The following NIPA1 variants were observed in gnomAD, a reference collection of about 807,000 sequenced individuals.
NIPA1 encodes the protein NIPA magnesium transporter 1.
A neutral mutation model predicts 23.9 loss-of-function variants in NIPA1; 13 were observed. The observed-to-expected ratio is 0.54, with a 90% CI of 0.35 to 0.87. The LOEUF (loss-of-function observed/expected upper bound fraction) is 0.87, where lower values mean the gene tolerates loss of function less well. Ranked by LOEUF, NIPA1 falls within the 40% of genes least tolerant of loss-of-function variation. NIPA1 has a pLI of 0.01. For synonymous variants in NIPA1, 234 were observed against 202.9 expected (o/e 1.15, Z -1.30); for missense variants, 362 against 429.7 (o/e 0.84, Z 1.39).
chr15:22,811,021 G>A (rs1895305608), intron 2 of NIPA1: 1 of 571,778 alleles, frequency 1.7e-6, no homozygotes, highest in Non-Finnish European at 3.1e-6. Context: ...AGAAGGACAA[G>A]TTAGGAGCTG....
chr15:22,812,577 TG>T (rs1555373366), intron 3 of NIPA1, among the ~76,000 whole-genome samples: 3 of 151,634 alleles, frequency 2.0e-5, no homozygotes, highest in South Asian at 2.1e-4. Context: ...TGCTTGAACC[TG>T]GGGGGCAGAG....
At chr15:22,799,429 C>A (rs889595511) in intron 1 of NIPA1, among the ~76,000 whole-genome samples, 1 of 151,962 alleles carries the variant, frequency 6.6e-6, no homozygotes, top group Admixed American at 6.6e-5. Context: ...CAGATCACTT[C>A]AGCCCAGGAG....
intron 1 of NIPA1, among the ~76,000 whole-genome samples, chr15:22,788,881 T>C (rs1401959007): frequency 1.6e-5 from 2 of 121,348 alleles, no homozygotes; most frequent in African/African-American, 6.4e-5. Context: ...ATTGTGCCAT[T>C]GCACTCCAGC....
chr15:22,819,172 G>A (rs1382432467), intron 3 of NIPA1: 1 of 152,202 alleles, frequency 6.6e-6, no homozygotes, highest in African/African-American at 2.4e-5. Flanking sequence ...GGGAAAAGTA[G>A]GCCGTTTAGG....
intron 1 of NIPA1, among the ~76,000 whole-genome samples, chr15:22,806,140 G>T (rs998071324): frequency 2.0e-5 from 3 of 152,164 alleles, no homozygotes; most frequent in East Asian, 3.9e-4. Flanking sequence ...AGCCAGGATG[G>T]TCTTGATCTC....
intron 1 of NIPA1, among the ~76,000 whole-genome samples, chr15:22,798,856 A>C (rs1031939412): frequency 2.6e-5 from 4 of 151,326 alleles, no homozygotes; most frequent in Non-Finnish European, 4.4e-5. Flanking sequence ...AAAAAAAAAA[A>C]AAAAAACCTC....
chr15:22,786,584 T>A, upstream of NIPA1: 4 of 432,096 alleles, frequency 9.3e-6, no homozygotes, highest in South Asian at 9.8e-5. Context: ...CGCCCGCGCC[T>A]CCCGGTCACC....
chr15:22,824,271 T>C lies in NIPA1; in HGVS notation c.*32T>C, dbSNP rs2140878137. 4 of 1,590,100 alleles carry C rather than the reference T, an allele frequency of 2.5e-6. No homozygotes were observed. Among genetic ancestry groups the C allele is most frequent in the Non-Finnish European group, 1.7e-6 (2 of 1,158,260 alleles). ...ATAGGAGCTTGGATGGTTCGAGGAA[T>C]AGGCATTGGAGGTGGTTTCTGGCCG... On this transcript the variant is annotated 3_prime_UTR_variant, in exon 5 of 5. Transcript: ENST00000337435. The surrounding 1 kb of genome is among the most constrained non-coding windows in gnomAD (Gnocchi z 4.1).
intron 4 of NIPA1, among the ~76,000 whole-genome samples, chr15:22,820,756 T>TG (rs1895521906): frequency 6.6e-6 from 1 of 152,030 alleles, no homozygotes; most frequent in Non-Finnish European, 1.5e-5. Flanking sequence ...CATGGGCGCC[T>TG]TCCCTTCCCA....
chr15:22,809,767 C>T (rs1186239284), intron 1 of NIPA1, among the ~76,000 whole-genome samples: 3 of 147,952 alleles, frequency 2.0e-5, no homozygotes, highest in East Asian at 2.0e-4. Flanking sequence ...AGGCCAGGCG[C>T]GGTGGCTCAC....
chr15:22,824,534 C>A lies in NIPA1; in HGVS notation c.*295C>A. The A allele has an allele frequency of 2.5e-6, 1 of 393,068 alleles. No individual in the cohort carries two copies. The highest frequency in any genetic ancestry group is 4.7e-6 in the Non-Finnish European group (1 of 212,392). The allele number at this position is 393,068 out of a possible 1,614,324, so 24.3% of individuals were successfully genotyped here. A position where few individuals can be genotyped will look rare whatever the true frequency, so the allele number is the denominator to read the frequency against. ...TCATGAATATTCTCTTCTTTTAAAACATTTTAACATTATTTAAACAGAAAA... is the reference window on the plus strand; with the variant it reads ...TCATGAATATTCTCTTCTTTTAAAAAATTTTAACATTATTTAAACAGAAAA... On this transcript the variant is annotated 3_prime_UTR_variant, in exon 5 of 5. Transcript: ENST00000337435. The surrounding 1 kb of genome is among the most constrained non-coding windows in gnomAD (Gnocchi z 4.1).
At chr15:22,792,196 A>T (rs902246988) in intron 1 of NIPA1, among the ~76,000 whole-genome samples, 4 of 152,128 alleles carry the variant, frequency 2.6e-5, no homozygotes, top group Admixed American at 1.3e-4. Flanking sequence ...CAGTGCCTTC[A>T]CTCAGCAGGT....
chr15:22,821,640 TGTCCACACCCTGGTTTGCAA>T (rs533381660), intron 4 of NIPA1, among the ~76,000 whole-genome samples: 44,149 of 150,990 alleles, frequency 0.29, 6,644 homozygotes, highest in Non-Finnish European at 0.32. Context: ...CTGGTTTGCA[TGTCCACACCCTGGTTTGCAA>T]GTCCACACTC....
At chr15:22,800,321 A>G (rs1204059687) in intron 1 of NIPA1, among the ~76,000 whole-genome samples, 4 of 152,180 alleles carry the variant, frequency 2.6e-5, no homozygotes, top group Non-Finnish European at 2.9e-5. Flanking sequence ...TTTGTTAAAC[A>G]TAATACCTTT....
chr15:22,815,109 T>G (rs921295113), intron 3 of NIPA1, among the ~76,000 whole-genome samples: 26 of 151,672 alleles, frequency 1.7e-4, no homozygotes, highest in Admixed American at 3.3e-4. Context: ...TTCCTGTTTT[T>G]AAAAAAAAAT....
At chr15:22,797,018 G>A (rs958883220) in intron 1 of NIPA1, among the ~76,000 whole-genome samples, 9 of 151,816 alleles carry the variant, frequency 5.9e-5, no homozygotes, top group Admixed American at 1.3e-4. Context: ...CCACCTGGAG[G>A]TGGCTGCTAT....
Position 22,812,265 on chromosome 15 carries a change from G to A in NIPA1, c.317+12G>A, listed in dbSNP as rs1441996044. 2 of 1,585,420 alleles carry A rather than the reference G, an allele frequency of 1.3e-6. No individual in the cohort carries two copies. The highest frequency in any genetic ancestry group is 2.2e-5 in the South Asian group (2 of 90,472). On this transcript the variant is annotated intron_variant, in intron 3 of 4. Transcript: ENST00000337435. ...GGAGTACCGTTCGGGTGAGAGCCAA[G>A]ATTGTGTTTGGTATTTAATGTGTAG...
chr15:22,786,985 C>T lies in NIPA1; in HGVS notation c.178+151C>T, dbSNP rs867924472. ...GGAAGGCTGCGCGGGCGGGTGCTCC[C>T]CGCGGCGTGCCCAGGCTGCCGCCGC... On this transcript the variant is annotated intron_variant, in intron 1 of 4. Coordinates refer to ENST00000337435, the MANE Select transcript of NIPA1 (RefSeq NM_144599.5). The T allele has an allele frequency of 3.6e-4, 137 of 380,370 alleles. 2 individuals carry two copies. The highest frequency in any genetic ancestry group is 2.6e-3 in the African/African-American group (118 of 45,828). 23.6% of individuals were successfully genotyped at this position (380,370 alleles called of 1,614,324 possible).
At position 22,813,850 on chromosome 15, in the gene NIPA1, G is replaced by A. The variant is rs542266673; in HGVS notation, c.317+1597G>A. The A allele has an allele frequency of 8.1e-5, 31 of 380,712 alleles. 1 individual carries two copies. The highest frequency in any genetic ancestry group is 2.7e-4 in the African/African-American group (13 of 48,374). The allele number at this position is 380,712 out of a possible 1,614,324, so 23.6% of individuals were successfully genotyped here. A position where few individuals can be genotyped will look rare whatever the true frequency, so the allele number is the denominator to read the frequency against. On this transcript the variant is annotated intron_variant, in intron 3 of 4. Coordinates refer to ENST00000337435, the MANE Select transcript of NIPA1 (RefSeq NM_144599.5). ...TTTGTGTTTCGGATGGCTCTGAGGC[G>A]CTGGGAGGGCAAGAGTGTTCTCACT...
Sources: gnomAD v4.1 joint callset for allele counts (sites outside exome capture counted in the v4.1 genomes callset) on GRCh38, gnomAD v4.1.1 for gene constraint, Gnocchi (gnomAD v3.1) non-coding constraint, MANE v1.5 for transcripts, NCBI Gene and HGNC (gene_info 2026-07-23, HGNC 2026-07-21) for gene names.